The following KCNT2 variants were observed in gnomAD, a reference collection of about 807,000 sequenced individuals.
KCNT2 encodes potassium channel subfamily T member 2.
KCNT2 carries 67 observed loss-of-function variants against 153.8 expected under a neutral mutation model. The observed-to-expected ratio is 0.44, with a 90% CI of 0.36 to 0.53. The LOEUF (loss-of-function observed/expected upper bound fraction) is 0.53, where lower values mean the gene tolerates loss of function less well. Ranked by LOEUF, KCNT2 falls within the 20% of genes least tolerant of loss-of-function variation. The probability of loss-of-function intolerance (pLI) is 0.00; values close to 1 mark genes in which losing one functional copy is unlikely to be tolerated. For missense variants in KCNT2, 975 were observed against 1,354.8 expected, an observed-to-expected ratio of 0.72 and a Z score of 4.40; for synonymous variants, 500 against 458.8, an observed-to-expected ratio of 1.09 and a Z score of -1.15.
chr1:196,506,358 C>T (rs996057149), intron 1 of KCNT2, among the ~76,000 whole-genome samples: 4 of 152,002 alleles, frequency 2.6e-5, no homozygotes, highest in East Asian at 1.9e-4. Flanking sequence ...CTAAAATAAA[C>T]GTATAATTGG....
At chr1:196,334,152 C>A in intron 16 of KCNT2, 92 bp from the exon 17 acceptor site, 1 of 715,830 alleles carries the variant, frequency 1.4e-6, no homozygotes. Flanking sequence ...ATAATAAACA[C>A]AATAAATATA....
At chr1:196,403,463 G>A (rs1281589789) in intron 12 of KCNT2, among the ~76,000 whole-genome samples, 1 of 151,622 alleles carries the variant, frequency 6.6e-6, no homozygotes, top group Non-Finnish European at 1.5e-5. Flanking sequence ...TATTCCTTAT[G>A]ATATTGTAAT....
chr1:196,504,454 T>C (rs1360409348), intron 1 of KCNT2, among the ~76,000 whole-genome samples: 2 of 152,160 alleles, frequency 1.3e-5, no homozygotes, highest in African/African-American at 4.8e-5. Flanking sequence ...ATGGTGTATA[T>C]GTGCCACATT....
chr1:196,561,722 C>A (rs994969241), intron 1 of KCNT2, among the ~76,000 whole-genome samples: 1 of 137,136 alleles, frequency 7.3e-6, no homozygotes, highest in Admixed American at 7.8e-5. Context: ...CGTTACACAG[C>A]CTCAGGAGAT....
At chr1:196,442,706 C>A (rs1675347902) in intron 8 of KCNT2, among the ~76,000 whole-genome samples, 1 of 151,516 alleles carries the variant, frequency 6.6e-6, no homozygotes, top group Non-Finnish European at 1.5e-5. Context: ...ACAACAACAA[C>A]AGGACTCTGA....
intron 14 of KCNT2, among the ~76,000 whole-genome samples, chr1:196,361,990 A>G (rs1667666833): frequency 1.3e-5 from 2 of 151,918 alleles, no homozygotes; most frequent in African/African-American, 4.8e-5. Flanking sequence ...TATTTTATCC[A>G]CCTAAGGAGG....
chr1:196,412,623 CAGTT>C (rs1305086724), intron 12 of KCNT2, among the ~76,000 whole-genome samples: 5 of 151,456 alleles, frequency 3.3e-5, no homozygotes, highest in African/African-American at 1.2e-4. Flanking sequence ...CTACAAATAA[CAGTT>C]AGCAGCCCCC....
chr1:196,535,177 T>C (rs1655396448), intron 1 of KCNT2, among the ~76,000 whole-genome samples: 1 of 152,186 alleles, frequency 6.6e-6, no homozygotes, highest in Non-Finnish European at 1.5e-5. Context: ...AGTCCCAACA[T>C]TCTAGGAGGA....
At chr1:196,540,813 T>C (rs1656253395) in intron 1 of KCNT2, among the ~76,000 whole-genome samples, 1 of 152,156 alleles carries the variant, frequency 6.6e-6, no homozygotes. Flanking sequence ...ACGCCTGTAA[T>C]CCCAGCACTT....
intron 14 of KCNT2, among the ~76,000 whole-genome samples, chr1:196,355,534 A>G (rs1355226052): frequency 1.3e-5 from 2 of 151,778 alleles, no homozygotes; most frequent in African/African-American, 4.8e-5. Context: ...ATCTACTTCA[A>G]TGAGAAATAA....
intron 19 of KCNT2, among the ~76,000 whole-genome samples, chr1:196,320,079 C>T (rs1290485826): frequency 6.6e-6 from 1 of 151,468 alleles, no homozygotes; most frequent in Non-Finnish European, 1.5e-5. Context: ...TATGCTCATG[C>T]AAAATATGTA....
chr1:196,539,803 C>T (rs1364199692), intron 1 of KCNT2, among the ~76,000 whole-genome samples: 1 of 151,448 alleles, frequency 6.6e-6, no homozygotes, highest in Non-Finnish European at 1.5e-5. Context: ...AGCCACTAAA[C>T]AATAATTAAA....
chr1:196,602,990 G>C (rs1437977297), intron 1 of KCNT2, among the ~76,000 whole-genome samples: 10 of 151,086 alleles, frequency 6.6e-5, no homozygotes, highest in Admixed American at 5.3e-4. Context: ...GTTTCACCTT[G>C]TTAGCCAGGA....
At chr1:196,484,601 A>G (rs896560378) in intron 3 of KCNT2, among the ~76,000 whole-genome samples, 1 of 152,080 alleles carries the variant, frequency 6.6e-6, no homozygotes, top group African/African-American at 2.4e-5. Flanking sequence ...GTCTTTGCCC[A>G]TGCCTATCTC....
At chr1:196,397,518 C>G (rs184539630) in intron 13 of KCNT2, among the ~76,000 whole-genome samples, 1 of 151,402 alleles carries the variant, frequency 6.6e-6, no homozygotes, top group Non-Finnish European at 1.5e-5. Context: ...AAATCAGAAT[C>G]TCTATGATCA....
chr1:196,311,240 A>G (rs1442506925), intron 21 of KCNT2, among the ~76,000 whole-genome samples: 1 of 151,824 alleles, frequency 6.6e-6, no homozygotes, highest in Non-Finnish European at 1.5e-5. Flanking sequence ...GACTATTAGT[A>G]TTCAAAGGCC....
chr1:196,361,183 C>T (rs1437205182), intron 14 of KCNT2, among the ~76,000 whole-genome samples: 6 of 151,580 alleles, frequency 4.0e-5, no homozygotes, highest in South Asian at 4.2e-4. Flanking sequence ...CCACAAGCAA[C>T]GCCCTCTCCA....
At chr1:196,359,423 G>C (rs1021538680) in intron 14 of KCNT2, among the ~76,000 whole-genome samples, 6 of 152,048 alleles carry the variant, frequency 3.9e-5, no homozygotes, top group Admixed American at 1.3e-4. Context: ...GGAGTCTCAT[G>C]AGAGAGAGCA....
At chr1:196,343,337 G>A (rs1665845900) in intron 14 of KCNT2, among the ~76,000 whole-genome samples, 1 of 152,110 alleles carries the variant, frequency 6.6e-6, no homozygotes, top group African/African-American at 2.4e-5. Flanking sequence ...AATTCATAAT[G>A]GATATATAAA....
Sources: allele counts gnomAD v4.1 joint callset (sites outside exome capture counted in the v4.1 genomes callset), GRCh38; gene constraint gnomAD v4.1.1; transcripts MANE v1.5; gene names NCBI Gene and HGNC (gene_info 2026-07-23, HGNC 2026-07-21).